AKR1E2: variants seen among roughly 807,000 people sequenced by gnomAD.
AKR1E2 encodes the protein 1,5-anhydro-D-fructose reductase.
AKR1E2 carries 43 observed loss-of-function variants against 41.9 expected under a neutral mutation model. That is an observed-to-expected ratio of 1.03 (90% CI 0.80 to 1.32). The LOEUF (loss-of-function observed/expected upper bound fraction) is 1.32, where lower values mean the gene tolerates loss of function less well. Among genes scored for constraint, AKR1E2 ranks in the 40% most tolerant of loss-of-function variants. The pLI, the probability that AKR1E2 is intolerant of heterozygous loss-of-function variation, is 0.00. For synonymous variants in AKR1E2, 121 were observed against 138.9 expected (o/e 0.87, Z 0.91); for missense variants, 423 against 396.5 (o/e 1.07, Z -0.57).
chr10:4,852,219 T>C (rs1485297784), downstream of AKR1E2, among the ~76,000 whole-genome samples: 3 of 152,216 alleles, frequency 2.0e-5, no homozygotes, highest in African/African-American at 7.2e-5. Context: ...CTTCCAGCCC[T>C]GATTTTAAAC....
chr10:4,836,022 A>T (rs1833386098), intron 4 of AKR1E2, among the ~76,000 whole-genome samples: 1 of 152,290 alleles, frequency 6.6e-6, no homozygotes, highest in Non-Finnish European at 1.5e-5. Flanking sequence ...TTCTCTTGAC[A>T]CATTTGAGGG....
chr10:4,841,761 C>G, intron 6 of AKR1E2, 24 bp from the exon 7 acceptor site: 1 of 1,493,442 alleles, frequency 6.7e-7, no homozygotes, highest in South Asian at 1.4e-5. Context: ...TCCTGGCTCA[C>G]TCCCCTGTAC....
At chr10:4,852,757 A>C (rs533851710), downstream of AKR1E2, among the ~76,000 whole-genome samples, 5 of 152,294 alleles carry the variant, frequency 3.3e-5, no homozygotes, top group South Asian at 1.0e-3. Flanking sequence ...TGTTCTAAAA[A>C]TATTTTATTC....
intron 5 of AKR1E2, among the ~76,000 whole-genome samples, chr10:4,837,947 G>C (rs1320869042): frequency 6.6e-6 from 1 of 152,238 alleles, no homozygotes; most frequent in Non-Finnish European, 1.5e-5. Context: ...GCAAGAAAGA[G>C]TGGATGACTA....
At chr10:4,861,844 G>T in the AKR1E2 span, among the ~76,000 whole-genome samples, 10 of 152,180 alleles carry the variant, frequency 6.6e-5, no homozygotes, top group African/African-American at 2.4e-4. Context: ...TTTGTCAGAT[G>T]AGTAGATTGC....
intron 8 of AKR1E2, chr10:4,845,796 G>A (rs2924267): frequency 0.21 from 100,241 of 470,960 alleles, 11,542 homozygotes; most frequent in Middle Eastern, 0.41. Context: ...CACACTGAGG[G>A]GAAATGCCAT....
At chr10:4,871,366 T>C in the AKR1E2 span, among the ~76,000 whole-genome samples, 7 of 152,162 alleles carry the variant, frequency 4.6e-5, no homozygotes, top group African/African-American at 1.7e-4. Context: ...CTTGGTATGA[T>C]AAGTAACTTT....
At chr10:4,872,770 A>G in the AKR1E2 span, among the ~76,000 whole-genome samples, 13 of 152,214 alleles carry the variant, frequency 8.5e-5, no homozygotes, top group Admixed American at 2.0e-4. Context: ...AAGCTAAATA[A>G]ACTAGTAAAA....
At chr10:4,865,889 A>G in the AKR1E2 span, among the ~76,000 whole-genome samples, 1 of 152,174 alleles carries the variant, frequency 6.6e-6, no homozygotes, top group African/African-American at 2.4e-5. Flanking sequence ...TGTATTCATC[A>G]TTATTCATTT....
the AKR1E2 span, among the ~76,000 whole-genome samples, chr10:4,859,739 G>A: frequency 0.26 from 39,009 of 152,218 alleles, 5,221 homozygotes; most frequent in Middle Eastern, 0.37. Context: ...AAAAGAGGAA[G>A]ACTGTCCTTC....
At chr10:4,848,757 A>G (rs1198398502), downstream of AKR1E2, among the ~76,000 whole-genome samples, 1 of 152,110 alleles carries the variant, frequency 6.6e-6, no homozygotes, top group African/African-American at 2.4e-5. Context: ...CTCTATCACA[A>G]GCAGGCCAGC....
the AKR1E2 span, among the ~76,000 whole-genome samples, chr10:4,862,672 T>C: frequency 6.6e-6 from 1 of 152,186 alleles, no homozygotes; most frequent in African/African-American, 2.4e-5. Context: ...GATTCCTAGG[T>C]GTTTTATTTT....
the AKR1E2 span, among the ~76,000 whole-genome samples, chr10:4,859,761 A>G: frequency 6.6e-6 from 1 of 152,252 alleles, no homozygotes; most frequent in African/African-American, 2.4e-5. Context: ...TTTCTCTGAA[A>G]AAGAATGGCT....
chr10:4,869,757 T>C, the AKR1E2 span, among the ~76,000 whole-genome samples: 1 of 152,200 alleles, frequency 6.6e-6, no homozygotes, highest in South Asian at 2.1e-4. Context: ...CTTCCTGTTT[T>C]ACCTGTGGAT....
intron 5 of AKR1E2, 53 bp from the exon 6 acceptor site, chr10:4,839,676 T>A (rs965307921): frequency 1.3e-6 from 2 of 1,539,288 alleles, no homozygotes; most frequent in East Asian, 4.5e-5. Context: ...CTTGTAGAGC[T>A]TTTCTTGAAC....
At chr10:4,844,585 C>T (rs879038001) in intron 8 of AKR1E2, among the ~76,000 whole-genome samples, 1 of 152,102 alleles carries the variant, frequency 6.6e-6, no homozygotes, top group African/African-American at 2.4e-5. Flanking sequence ...TTTACAATCC[C>T]TGAGCTAGAC....
At position 4,833,208 on chromosome 10, in the gene AKR1E2, C is replaced by T. The variant is rs80076154; in HGVS notation, c.208-142C>T. ...TCTGAGGATAATGTCCCTGTCCTCC[C>T]ATCAGAACTTGCCGTGTTGTATTTG... On this transcript the variant is annotated intron_variant, in intron 2 of 9. Transcript: ENST00000298375. The T allele has an allele frequency of 0.04, 28,461 of 706,868 alleles. 824 individuals are homozygous for T. Among genetic ancestry groups the T allele is most frequent in the East Asian group, 0.12 (4,925 of 40,138 alleles). The allele number at this position is 706,868 out of a possible 1,614,324, so 43.8% of individuals were successfully genotyped here.
downstream of AKR1E2, among the ~76,000 whole-genome samples, chr10:4,850,645 G>A (rs184392109): frequency 6.6e-6 from 1 of 152,272 alleles, no homozygotes; most frequent in East Asian, 1.9e-4. Context: ...TTTAGTGGGT[G>A]TTCAATGGTG....
At chr10:4,826,551 A>G (rs1290639411) in intron 1 of AKR1E2, among the ~76,000 whole-genome samples, 188 bp downstream of exon 1, 1 of 152,122 alleles carries the variant, frequency 6.6e-6, no homozygotes, top group Non-Finnish European at 1.5e-5. Flanking sequence ...GGCCTTTCCT[A>G]AAACGGAGTC....
Sources: gnomAD v4.1 joint callset for allele counts (sites outside exome capture counted in the v4.1 genomes callset) on GRCh38, gnomAD v4.1.1 for gene constraint, MANE v1.5 for transcripts, NCBI Gene and HGNC (gene_info 2026-07-23, HGNC 2026-07-21) for gene names.